ALG14: variants seen among roughly 807,000 people sequenced by gnomAD.
ALG14 encodes ALG14 UDP-N-acetylglucosaminyltransferase subunit, also known as UDP-N-acetylglucosamine transferase subunit ALG14.
ALG14 carries 17 observed loss-of-function variants against 22.8 expected under a neutral mutation model. The ratio of observed to expected loss-of-function variants is 0.75; its 90% confidence interval spans 0.51 to 1.12. The LOEUF is 1.12. Among genes scored for constraint, ALG14 ranks in the 50% most tolerant of loss-of-function variants. The probability of loss-of-function intolerance (pLI) is 0.00; values close to 1 mark genes in which losing one functional copy is unlikely to be tolerated. For missense variants in ALG14, 288 were observed against 271.8 expected (o/e 1.06, Z -0.42); for synonymous variants, 89 against 103.7 (o/e 0.86, Z 0.86).
At position 94,977,030 on chromosome 1, in the gene ALG14, G is replaced by A. The variant is rs1432150672; in HGVS notation, c.*6046C>T. 3.9e-5 allele frequency: 6 copies of A among 152,186 alleles called. No individual in the cohort carries two copies. The highest frequency in any genetic ancestry group is 3.9e-4 in the Admixed American group (6 of 15,282). 9.4% of individuals were successfully genotyped at this position (152,186 alleles called of 1,614,324 possible). On this transcript the variant is annotated 3_prime_UTR_variant, in exon 4 of 4. Transcript: ENST00000370205. ...GAGTTGCAGATCAGAACTCAGCCTT[G>A]GCCATCATCTTGATTTCAGCCTTTT...
At chr1:95,042,329 T>G (rs201445329) in intron 2 of ALG14, among the ~76,000 whole-genome samples, 2 of 143,938 alleles carry the variant, frequency 1.4e-5, no homozygotes, top group Admixed American at 7.0e-5. Context: ...CACACACACA[T>G]ACACACAGTT....
Position 94,979,289 on chromosome 1 carries a change from C to CG in ALG14, c.*3786dup, listed in dbSNP as rs560069094. On this transcript the variant is annotated 3_prime_UTR_variant, in exon 4 of 4. Coordinates refer to ENST00000370205, the MANE Select transcript of ALG14 (RefSeq NM_144988.4). ...CCTGGGCGATGGAGCGAGACTGTCT[C>CG]GAAAAAAAAAAAAAAAAAAAAAAAA... is the stretch of plus-strand genomic sequence containing the variant. 23 of 35,226 alleles carry CG rather than the reference C, an allele frequency of 6.5e-4. No homozygotes were observed. Among genetic ancestry groups the CG allele is most frequent in the East Asian group, 3.0e-3 (2 of 670 alleles). 2.2% of individuals were successfully genotyped at this position (35,226 alleles called of 1,614,324 possible).
chr1:95,015,287 T>G (rs540457612), intron 3 of ALG14, among the ~76,000 whole-genome samples: 1 of 152,316 alleles, frequency 6.6e-6, no homozygotes, highest in Non-Finnish European at 1.5e-5. Flanking sequence ...TTCCAGTTCC[T>G]TACTATTCAG....
chr1:95,000,944 T>A (rs145737928), intron 3 of ALG14, among the ~76,000 whole-genome samples: 5 of 152,260 alleles, frequency 3.3e-5, no homozygotes, highest in African/African-American at 1.2e-4. Context: ...ACACTCATAT[T>A]CTTTGTAAAG....
rs1174199181 is a variant in ALG14 at position 94,981,678 on chromosome 1, G to GTTTTTTTTTTTT, written c.*1397_*1398insAAAAAAAAAAAA. 3 of 133,566 alleles carry GTTTTTTTTTTTT rather than the reference G, an allele frequency of 2.2e-5. No individual in the cohort carries two copies. Among genetic ancestry groups the GTTTTTTTTTTTT allele is most frequent in the Non-Finnish European group, 3.3e-5 (2 of 60,996 alleles). 8.3% of individuals were successfully genotyped at this position (133,566 alleles called of 1,614,324 possible). Reference sequence around the variant, plus strand: ...TCTTCTCTTTTCTGTTTTTTATTTTGTTTTGTTTTTTTTTTTTTTGGCTGC... The same window carrying GTTTTTTTTTTTT: ...TCTTCTCTTTTCTGTTTTTTATTTTGTTTTTTTTTTTTTTTTGTTTTTTTTTTTTTTGGCTGC... On this transcript the variant is annotated 3_prime_UTR_variant, in exon 4 of 4. Coordinates refer to ENST00000370205, the MANE Select transcript of ALG14 (RefSeq NM_144988.4).
chr1:95,035,463 G>A (rs1007988262), intron 2 of ALG14, among the ~76,000 whole-genome samples: 2 of 152,126 alleles, frequency 1.3e-5, no homozygotes, highest in African/African-American at 2.4e-5. Context: ...GCCTCCCAAC[G>A]CTCCCTATAT....
chr1:95,016,416 T>A (rs533032004), intron 3 of ALG14, among the ~76,000 whole-genome samples: 1 of 152,306 alleles, frequency 6.6e-6, no homozygotes, highest in Admixed American at 6.5e-5. Flanking sequence ...TAATTCTAAG[T>A]GTACAAATGC....
chr1:95,061,048 G>A (rs546965426), intron 2 of ALG14, among the ~76,000 whole-genome samples: 4 of 152,224 alleles, frequency 2.6e-5, no homozygotes, highest in African/African-American at 7.2e-5. Context: ...TGACGTAGCT[G>A]CAAGCTAAGG....
chr1:95,021,287 GAA>G (rs1181784431), intron 3 of ALG14, among the ~76,000 whole-genome samples: 4 of 152,106 alleles, frequency 2.6e-5, no homozygotes, highest in Non-Finnish European at 5.9e-5. Context: ...CCACGCTCTA[GAA>G]TAGGTGCTAG....
chr1:95,049,275 G>A (rs933776520), intron 2 of ALG14, among the ~76,000 whole-genome samples: 1 of 152,176 alleles, frequency 6.6e-6, no homozygotes, highest in Non-Finnish European at 1.5e-5. Context: ...GCTCACACCT[G>A]TAATCCCAGC....
intron 2 of ALG14, among the ~76,000 whole-genome samples, chr1:95,062,658 CAT>C (rs1675206487): frequency 6.6e-6 from 1 of 152,198 alleles, no homozygotes; most frequent in Admixed American, 6.5e-5. Context: ...CATAGTATTT[CAT>C]AGTGTATATG....
At chr1:95,010,884 A>G (rs1673343452) in intron 3 of ALG14, among the ~76,000 whole-genome samples, 1 of 152,248 alleles carries the variant, frequency 6.6e-6, no homozygotes, top group Non-Finnish European at 1.5e-5. Flanking sequence ...AGTTCTAAAG[A>G]TTTGGAAGAT....
chr1:95,043,346 G>GT (rs1481926832), intron 2 of ALG14, among the ~76,000 whole-genome samples: 1 of 152,142 alleles, frequency 6.6e-6, no homozygotes, highest in Non-Finnish European at 1.5e-5. Context: ...GGTGGTGGGG[G>GT]TTGGGGGAGC....
At chr1:95,037,116 C>G (rs1364975666) in intron 2 of ALG14, among the ~76,000 whole-genome samples, 1 of 151,998 alleles carries the variant, frequency 6.6e-6, no homozygotes, top group African/African-American at 2.4e-5. Flanking sequence ...ATTTTTAAAG[C>G]CTTTTATAAA....
At chr1:95,031,248 G>A (rs576483597) in intron 2 of ALG14, among the ~76,000 whole-genome samples, 20 of 152,326 alleles carry the variant, frequency 1.3e-4, no homozygotes, top group African/African-American at 4.3e-4. Context: ...GCAATGAGGA[G>A]CCTCTTCCAA....
chr1:95,017,662 C>A (rs543100512), intron 3 of ALG14, among the ~76,000 whole-genome samples: 2 of 152,154 alleles, frequency 1.3e-5, no homozygotes, highest in Non-Finnish European at 2.9e-5. Flanking sequence ...GAGCATGTAT[C>A]AGGGAGGGCC....
In ALG14 at chr1:94,980,392, ATC is replaced by A. The variant is rs1462143749; in HGVS notation, c.*2682_*2683del. On this transcript the variant is annotated 3_prime_UTR_variant, in exon 4 of 4. Coordinates refer to ENST00000370205, the MANE Select transcript of ALG14 (RefSeq NM_144988.4). Reference sequence around the variant, plus strand: ...TAGGATAGCTGGACTGTAGATAGAAATCTTCCAGGGAAGTAGGTGTGGGCAGG... The same window carrying A: ...TAGGATAGCTGGACTGTAGATAGAAATTCCAGGGAAGTAGGTGTGGGCAGG... 6.6e-6 allele frequency: 1 copy of A among 152,202 alleles called. No individual in the cohort carries two copies. Among genetic ancestry groups the A allele is most frequent in the Non-Finnish European group, 1.5e-5 (1 of 68,036 alleles). 9.4% of individuals were successfully genotyped at this position (152,202 alleles called of 1,614,324 possible).
chr1:95,059,213 A>G (rs1171268080), intron 2 of ALG14, among the ~76,000 whole-genome samples: 2 of 151,808 alleles, frequency 1.3e-5, no homozygotes, highest in African/African-American at 2.4e-5. Context: ...CCTGGCTAAC[A>G]TGGGGAAACC....
chr1:95,040,758 A>ATTTGCTT (rs1190999219), intron 2 of ALG14, among the ~76,000 whole-genome samples: 4 of 152,186 alleles, frequency 2.6e-5, no homozygotes, highest in Non-Finnish European at 4.4e-5. Context: ...GAATGCCATA[A>ATTTGCTT]ATTTGCTTTG....
Sources: allele counts gnomAD v4.1 joint callset (sites outside exome capture counted in the v4.1 genomes callset), GRCh38; gene constraint gnomAD v4.1.1; transcripts MANE v1.5; gene names NCBI Gene and HGNC (gene_info 2026-07-23, HGNC 2026-07-21).